The following ANO5 variants were observed in gnomAD, a reference collection of about 807,000 sequenced individuals.
The protein encoded by ANO5 is anoctamin 5.
Under a neutral mutation model 121.0 loss-of-function variants are expected in ANO5, and 109 were observed. The observed-to-expected ratio is 0.90, with a 90% CI of 0.77 to 1.06. The LOEUF (loss-of-function observed/expected upper bound fraction) is 1.06. ANO5 is among the 50% of genes least tolerant of loss of function. The pLI is 0.00. For missense variants in ANO5, 1,064 were observed against 1,078.5 expected (o/e 0.99, Z 0.19); for synonymous variants, 406 against 359.9 (o/e 1.13, Z -1.45).
At position 22,281,852 on chromosome 11, in the gene ANO5, G is replaced by A. The variant is rs967232426; in HGVS notation, c.*2087G>A. On this transcript the variant is annotated 3_prime_UTR_variant, in exon 22 of 22. Transcript: ENST00000324559. ...GGAGAAAACAGCAAGGGAAGAAATC[G>A]TTTTTAAGATAAGTAAATAATTCCC... 5.3e-5 allele frequency: 8 copies of A among 152,150 alleles called. No homozygotes were observed. Among genetic ancestry groups the A allele is most frequent in the Non-Finnish European group, 7.4e-5 (5 of 67,930 alleles). 9.4% of individuals were successfully genotyped at this position (152,150 alleles called of 1,614,324 possible). A position where few individuals can be genotyped will look rare whatever the true frequency, so the allele number is the denominator to read the frequency against.
At position 22,250,758 on chromosome 11, in the gene ANO5, C is replaced by T. The variant is rs541372136; in HGVS notation, c.1031C>T (p.Pro344Leu). The T allele has an allele frequency of 6.2e-7, 1 of 1,613,938 alleles. No homozygotes were observed. Among genetic ancestry groups the T allele is most frequent in the Non-Finnish European group, 8.5e-7 (1 of 1,179,908 alleles). The change falls in exon 11 of 22, where the codon CCT becomes CTT. Residue 344 changes from proline (P) to leucine (L), a missense_variant. Pro to Leu is a moderately conservative substitution (Grantham distance 98, BLOSUM62 -3). Transcript: ENST00000324559. Reference protein sequence around the residue: ...HNTSSTEICDPEIGGQMIMCP... With the variant: ...HNTSSTEICDLEIGGQMIMCP... ...TCTTGCAGCACTGAAATCTGTGACC[C>T]TGAGATTGGTGGTCAGATGATCATG...
chr11:22,232,363 C>G (rs1791585755), intron 7 of ANO5, among the ~76,000 whole-genome samples: 1 of 151,866 alleles, frequency 6.6e-6, no homozygotes, highest in Non-Finnish European at 1.5e-5. Context: ...GGTCTGTTTT[C>G]AATTAGATCT....
intron 3 of ANO5, 125 bp downstream of exon 3, chr11:22,211,439 A>G: frequency 8.5e-7 from 1 of 1,169,864 alleles, no homozygotes; most frequent in South Asian, 1.2e-5. Flanking sequence ...GGTATTTGAG[A>G]ATATATTACT....
At chr11:22,267,662 A>G (rs1269472814) in intron 17 of ANO5, among the ~76,000 whole-genome samples, 1 of 151,402 alleles carries the variant, frequency 6.6e-6, no homozygotes. Context: ...CAGATTTGTT[A>G]CACAAGTAAC....
At chr11:22,277,448 C>T (rs1224961549) in intron 21 of ANO5, among the ~76,000 whole-genome samples, 1 of 151,562 alleles carries the variant, frequency 6.6e-6, no homozygotes, top group African/African-American at 2.4e-5. Context: ...CACTAAATTA[C>T]ATATGTTTAA....
At chr11:22,231,137 G>A (rs1169538069) in intron 7 of ANO5, among the ~76,000 whole-genome samples, 1 of 151,910 alleles carries the variant, frequency 6.6e-6, no homozygotes, top group South Asian at 2.1e-4. Context: ...AGAAGATTTT[G>A]AAAATTAAAT....
At chr11:22,253,005 A>G (rs1427500944) in intron 12 of ANO5, among the ~76,000 whole-genome samples, 2 of 152,174 alleles carry the variant, frequency 1.3e-5, no homozygotes, top group African/African-American at 4.8e-5. Flanking sequence ...CTTTAGGACA[A>G]ACACCATGGC....
intron 13 of ANO5, 93 bp from the exon 14 acceptor site, chr11:22,257,587 A>G: frequency 1.9e-6 from 2 of 1,043,264 alleles, no homozygotes; most frequent in Non-Finnish European, 3.0e-6. Flanking sequence ...GGAGACTCCT[A>G]CTTTAACTGG....
At chr11:22,252,326 T>C (rs551029435) in intron 12 of ANO5, among the ~76,000 whole-genome samples, 7 of 152,302 alleles carry the variant, frequency 4.6e-5, no homozygotes, top group Admixed American at 2.0e-4. Flanking sequence ...AAATGAATGA[T>C]AGGTGCATGA....
intron 18 of ANO5, among the ~76,000 whole-genome samples, chr11:22,272,302 G>GCACACACACA (rs60487083): frequency 0.058 from 7,780 of 134,436 alleles, 318 homozygotes; most frequent in Admixed American, 0.079. Context: ...TCCTTTTCCG[G>GCACACACACA]CACACACACA....
At chr11:22,246,593 T>G (rs1222430189) in intron 9 of ANO5, among the ~76,000 whole-genome samples, 1 of 151,980 alleles carries the variant, frequency 6.6e-6, no homozygotes, top group Non-Finnish European at 1.5e-5. Context: ...TCTCAGCACT[T>G]TGGAAGGCCA....
At chr11:22,227,267 A>C (rs756223312) in intron 6 of ANO5, 35 bp from the exon 7 acceptor site, 1 of 1,608,450 alleles carries the variant, frequency 6.2e-7, no homozygotes, top group Non-Finnish European at 8.5e-7. Flanking sequence ...ACTGATCAGT[A>C]AGCTTTCTGC....
At chr11:22,263,575 TA>T (rs558421890) in intron 17 of ANO5, among the ~76,000 whole-genome samples, 318 of 152,284 alleles carry the variant, frequency 2.1e-3, no homozygotes, top group African/African-American at 7.4e-3. Flanking sequence ...AACACAGCAA[TA>T]ATGAATACAT....
At chr11:22,257,091 GT>G (rs1564940224) in intron 13 of ANO5, among the ~76,000 whole-genome samples, 31 of 151,428 alleles carry the variant, frequency 2.0e-4, no homozygotes, top group African/African-American at 6.8e-4. Context: ...TTGTTTGTTT[GT>G]TTTGTTTTGT....
At chr11:22,258,631 A>C (rs1854080378) in intron 14 of ANO5, among the ~76,000 whole-genome samples, 3 of 152,220 alleles carry the variant, frequency 2.0e-5, no homozygotes, top group African/African-American at 7.2e-5. Flanking sequence ...TTAGCGCACT[A>C]ATGGCAATAT....
At chr11:22,239,721 T>G in intron 9 of ANO5, 37 bp downstream of exon 9, 1 of 1,461,650 alleles carries the variant, frequency 6.8e-7, no homozygotes, top group Non-Finnish European at 9.6e-7. Context: ...AATTAAAACT[T>G]GATAATGTGA....
In ANO5 at chr11:22,259,604, A is replaced by T; in HGVS notation, c.1493A>T (p.Asp498Val). 6.2e-7 allele frequency: 1 copy of T among 1,614,066 alleles called. No individual in the cohort carries two copies. The highest frequency in any genetic ancestry group is 8.5e-7 in the Non-Finnish European group (1 of 1,179,992). Reference protein sequence around the residue: ...FATFASFMESDASLKQVKSFL... With the variant: ...FATFASFMESVASLKQVKSFL... The stretch of plus-strand genomic sequence containing the variant: ...ACATTTGCTAGTTTCATGGAAAGTG[A>T]TGCATCCTTAAAGCAGGTCAAAAGC... Residue 498 changes from aspartate (D) to valine (V), a missense_variant, in exon 15 of 22, where the codon GAT (aspartate) becomes GTT (valine). Coordinates refer to ENST00000324559, the MANE Select transcript of ANO5 (RefSeq NM_213599.3).
chr11:22,193,546 A>C lies in ANO5; in HGVS notation c.40+14A>C. 1.2e-6 allele frequency: 2 copies of C among 1,611,446 alleles called. No homozygotes were observed. Among genetic ancestry groups the C allele is most frequent in the Non-Finnish European group, 1.7e-6 (2 of 1,179,294 alleles). On this transcript the variant is annotated intron_variant, in intron 1 of 21. Coordinates refer to ENST00000324559, the MANE Select transcript of ANO5 (RefSeq NM_213599.3). ...TGGCGGAGGAAGGTAGGACCGCGCC[A>C]AGAGGCGTCAAGGGAGAGCCAGGCT... is the stretch of plus-strand genomic sequence containing the variant.
chr11:22,255,355 A>C lies in ANO5; in HGVS notation c.1181-16A>C, dbSNP rs1181561210. ...CTTTTTTAATATCTTTTTTTTATAT[A>C]TTTATTTACCTATAGTCACCTTATT... On this transcript the variant is annotated splice_polypyrimidine_tract_variant and intron_variant, in intron 12 of 21. Coordinates refer to ENST00000324559, the MANE Select transcript of ANO5 (RefSeq NM_213599.3). 6.4e-7 allele frequency: 1 copy of C among 1,557,220 alleles called. No homozygotes were observed. The highest frequency in any genetic ancestry group is 1.4e-5 in the African/African-American group (1 of 72,838).
Sources: gnomAD v4.1 joint callset for allele counts (sites outside exome capture counted in the v4.1 genomes callset) on GRCh38, gnomAD v4.1.1 for gene constraint, MANE v1.5 for transcripts, NCBI Gene and HGNC (gene_info 2026-07-23, HGNC 2026-07-21) for gene names.